Variants in PTTG1 observed in about 807,000 individuals in gnomAD.
PTTG1 encodes the protein PTTG1 regulator of sister chromatid separation, securin.
In PTTG1, 8 loss-of-function variants were observed where a neutral mutation model predicts 20.0. The observed-to-expected ratio is 0.40, with a 90% CI of 0.23 to 0.72. The LOEUF (loss-of-function observed/expected upper bound fraction) is 0.72. Among genes scored for constraint, PTTG1 ranks in the 30% least tolerant of loss-of-function variants. The probability of loss-of-function intolerance (pLI) is 0.38; values close to 1 mark genes in which losing one functional copy is unlikely to be tolerated. For synonymous variants in PTTG1, 79 were observed against 87.2 expected, an observed-to-expected ratio of 0.91 and a Z score of 0.52; for missense variants, 197 against 236.0, an observed-to-expected ratio of 0.83 and a Z score of 1.08.
At chr5:160,423,873 A>G (rs780842979) in intron 3 of PTTG1, among the ~76,000 whole-genome samples, 8 of 152,142 alleles carry the variant, frequency 5.3e-5, no homozygotes, top group Non-Finnish European at 1.2e-4. Context: ...TTAAGGTAAC[A>G]CTTGTGGAAA....
chr5:160,424,952 TGTGA>T (rs1284990421), intron 4 of PTTG1, among the ~76,000 whole-genome samples: 1 of 152,124 alleles, frequency 6.6e-6, no homozygotes, highest in Non-Finnish European at 1.5e-5. Context: ...GTCATCTCAC[TGTGA>T]GTGAGCCAGA....
At chr5:160,425,340 G>A (rs897223721) in intron 4 of PTTG1, among the ~76,000 whole-genome samples, 17 of 152,182 alleles carry the variant, frequency 1.1e-4, no homozygotes, top group South Asian at 2.1e-4. Flanking sequence ...TGGTGCATCC[G>A]TGCTAATAAT....
chr5:160,425,876 C>T (rs1765799929), intron 4 of PTTG1, among the ~76,000 whole-genome samples: 1 of 152,172 alleles, frequency 6.6e-6, no homozygotes. Flanking sequence ...AACTTTCACA[C>T]CTACGGACAA....
chr5:160,427,905 G>T (rs1765840683), intron 5 of PTTG1, 32 bp downstream of exon 5: 1 of 1,613,240 alleles, frequency 6.2e-7, no homozygotes, highest in African/African-American at 1.3e-5. Flanking sequence ...TGGAAGGGCT[G>T]CAAACAATTT....
chr5:160,424,386 A>C (rs770780998), intron 4 of PTTG1, 56 bp downstream of exon 4: 14 of 1,239,538 alleles, frequency 1.1e-5, no homozygotes, highest in Admixed American at 1.9e-5. Context: ...CTTAGTATTC[A>C]GCTCAGCTGT....
At chr5:160,426,919 G>A (rs1238832064) in intron 4 of PTTG1, among the ~76,000 whole-genome samples, 1 of 152,140 alleles carries the variant, frequency 6.6e-6, no homozygotes, top group Non-Finnish European at 1.5e-5. Context: ...GGGCGCACCT[G>A]TAATCCCAGC....
chr5:160,426,581 A>G (rs1287585796), intron 4 of PTTG1, among the ~76,000 whole-genome samples: 1 of 152,236 alleles, frequency 6.6e-6, no homozygotes, highest in South Asian at 2.1e-4. Flanking sequence ...ATATTCTTGC[A>G]TCTATCTTGC....
chr5:160,425,507 T>C (rs1443213736), intron 4 of PTTG1, among the ~76,000 whole-genome samples: 1 of 152,232 alleles, frequency 6.6e-6, no homozygotes, highest in Non-Finnish European at 1.5e-5. Flanking sequence ...AGATGTCTGC[T>C]TCCTCCAGGT....
At chr5:160,428,361 T>C (rs1765848056) in intron 5 of PTTG1, among the ~76,000 whole-genome samples, 1 of 152,234 alleles carries the variant, frequency 6.6e-6, no homozygotes, top group African/African-American at 2.4e-5. Context: ...AGTGAGACTG[T>C]TAACTCTTAC....
Position 160,427,737 on chromosome 5 carries a change from T to C in PTTG1, c.393T>C (p.Pro131=), listed in dbSNP as rs779569934. The C allele has an allele frequency of 6.2e-7, 1 of 1,614,130 alleles. No individual in the cohort carries two copies. Among genetic ancestry groups the C allele is most frequent in the South Asian group, 1.1e-5 (1 of 91,074 alleles). Residue 131 remains proline, a synonymous_variant, in exon 5 of 6, where the codon CCT becomes CCC. Transcript: ENST00000352433. ...CAGACTTTGAGAGTTTTGACCTGCC[T>C]GAAGAGCACCAGATTGCGCACCTCC... ...NPLDFESFDL[P]EEHQIAHLPL...
At chr5:160,424,388 C>G in intron 4 of PTTG1, 58 bp downstream of exon 4, 1 of 1,232,180 alleles carries the variant, frequency 8.1e-7, no homozygotes, top group South Asian at 1.3e-5. Flanking sequence ...TAGTATTCAG[C>G]TCAGCTGTAA....
At chr5:160,421,970 G>GGCCGAA in intron 1 of PTTG1, 79 bp downstream of exon 1, 1 of 196,068 alleles carries the variant, frequency 5.1e-6, no homozygotes, top group South Asian at 8.6e-5. Flanking sequence ...CTGCGGCTGG[G>GGCCGAA]GCTGAAGCTG....
intron 1 of PTTG1, 117 bp from the exon 2 acceptor site, chr5:160,422,185 C>A (rs1765723916): frequency 2.8e-6 from 2 of 704,114 alleles, no homozygotes; most frequent in South Asian, 1.7e-5. Flanking sequence ...CGTGACTGTT[C>A]CGCTGTTTAG....
At chr5:160,421,964 G>GGCTGGGGCTGAA (rs1158764326) in intron 1 of PTTG1, 73 bp downstream of exon 1, 12 of 197,798 alleles carry the variant, frequency 6.1e-5, no homozygotes, top group Non-Finnish European at 8.4e-5. Context: ...CTGCGGCTGC[G>GGCTGGGGCTGAA]GCTGGGGCTG....
intron 4 of PTTG1, 110 bp downstream of exon 4, chr5:160,424,440 C>T: frequency 2.6e-6 from 2 of 756,684 alleles, no homozygotes; most frequent in Non-Finnish European, 4.3e-6. Context: ...TATGATGAGA[C>T]TGTCTGAATC....
At chr5:160,428,744 T>C, downstream of PTTG1, 1 of 1,468,336 alleles carries the variant, frequency 6.8e-7, no homozygotes, top group Non-Finnish European at 9.5e-7. Context: ...AACAGATTCT[T>C]CCTAGTATTG....
chr5:160,423,119 T>C, intron 3 of PTTG1: 1 of 540,272 alleles, frequency 1.9e-6, no homozygotes, highest in Non-Finnish European at 3.3e-6. Flanking sequence ...CATGCATATT[T>C]TTGCCTCACC....
intron 4 of PTTG1, among the ~76,000 whole-genome samples, chr5:160,427,311 G>A (rs908356242): frequency 1.3e-5 from 2 of 152,190 alleles, no homozygotes; most frequent in African/African-American, 4.8e-5. Context: ...TTGGTGTACA[G>A]TGGAAGTGCT....
chr5:160,423,282 A>C (rs555438191), intron 3 of PTTG1, among the ~76,000 whole-genome samples: 16 of 152,338 alleles, frequency 1.1e-4, no homozygotes, highest in Non-Finnish European at 2.1e-4. Flanking sequence ...TTGCTGCTTT[A>C]ATAGCACAGG....
Sources: allele counts gnomAD v4.1 joint callset (sites outside exome capture counted in the v4.1 genomes callset), GRCh38; gene constraint gnomAD v4.1.1; transcripts MANE v1.5; gene names NCBI Gene and HGNC (gene_info 2026-07-23, HGNC 2026-07-21).